Variants in STXBP5L observed in about 807,000 individuals in gnomAD.
STXBP5L encodes the protein syntaxin-binding protein 5-like.
Under a neutral mutation model 144.5 loss-of-function variants are expected in STXBP5L, and 65 were observed. The observed-to-expected ratio is 0.45, with a 90% CI of 0.37 to 0.55. The LOEUF (loss-of-function observed/expected upper bound fraction) is 0.55, where lower values mean the gene tolerates loss of function less well. Among genes scored for constraint, STXBP5L ranks in the 20% least tolerant of loss-of-function variants. STXBP5L has a pLI of 0.00. For synonymous variants in STXBP5L, 505 were observed against 469.6 expected (o/e 1.08, Z -0.97); for missense variants, 1,298 against 1,405.5 (o/e 0.92, Z 1.22).
chr3:121,187,602 A>T (rs542400672), intron 9 of STXBP5L, among the ~76,000 whole-genome samples: 1,309 of 118,658 alleles, frequency 0.011, 9 homozygotes, highest in South Asian at 0.022. Flanking sequence ...ATGAATGATA[A>T]AAAAAAAAGA....
At chr3:121,013,287 C>G (rs1449804412) in intron 3 of STXBP5L, among the ~76,000 whole-genome samples, 1 of 151,988 alleles carries the variant, frequency 6.6e-6, no homozygotes, top group Non-Finnish European at 1.5e-5. Context: ...TCCACAGAGG[C>G]TGAACTAATT....
chr3:121,163,890 C>T (rs969541575), intron 9 of STXBP5L, among the ~76,000 whole-genome samples: 48 of 151,832 alleles, frequency 3.2e-4, no homozygotes, highest in African/African-American at 1.1e-3. Context: ...AGATTTTGTT[C>T]TAAATTTTCT....
intron 19 of STXBP5L, among the ~76,000 whole-genome samples, chr3:121,302,951 C>A (rs1408298858): frequency 6.6e-6 from 1 of 152,094 alleles, no homozygotes; most frequent in Non-Finnish European, 1.5e-5. Flanking sequence ...TAGGCAATAC[C>A]ATTCAGGATA....
intron 3 of STXBP5L, among the ~76,000 whole-genome samples, chr3:121,001,278 C>G (rs941920869): frequency 9.9e-5 from 15 of 152,174 alleles, no homozygotes; most frequent in African/African-American, 3.4e-4. Context: ...ATAGCAGTAG[C>G]TACTTGGAAG....
intron 3 of STXBP5L, among the ~76,000 whole-genome samples, chr3:120,990,447 GA>G (rs1942730032): frequency 6.6e-6 from 1 of 152,018 alleles, no homozygotes. Context: ...CACAGAATTG[GA>G]AAAAACTACT....
At chr3:121,338,878 C>G (rs755676006) in intron 20 of STXBP5L, among the ~76,000 whole-genome samples, 10 of 152,028 alleles carry the variant, frequency 6.6e-5, no homozygotes, top group Non-Finnish European at 1.5e-4. Flanking sequence ...AGACCAACAA[C>G]AAGCAGTGAG....
At chr3:121,044,455 C>G (rs1210769026) in intron 4 of STXBP5L, among the ~76,000 whole-genome samples, 1 of 152,080 alleles carries the variant, frequency 6.6e-6, no homozygotes, top group Non-Finnish European at 1.5e-5. Flanking sequence ...AATGGGATAT[C>G]TGTGATTGAT....
chr3:121,217,908 T>A (rs2048834793), intron 10 of STXBP5L, among the ~76,000 whole-genome samples: 1 of 150,774 alleles, frequency 6.6e-6, no homozygotes, highest in Non-Finnish European at 1.5e-5. Context: ...CAATTTGTAT[T>A]TCTGTTGGAT....
At chr3:121,385,139 T>A (rs184498643) in intron 22 of STXBP5L, among the ~76,000 whole-genome samples, 19 of 152,218 alleles carry the variant, frequency 1.2e-4, no homozygotes, top group African/African-American at 4.1e-4. Flanking sequence ...TGGTAGATGC[T>A]TTTTCATTGC....
chr3:120,973,246 C>G (rs1489674178), intron 3 of STXBP5L, among the ~76,000 whole-genome samples: 1 of 152,042 alleles, frequency 6.6e-6, no homozygotes, highest in South Asian at 2.1e-4. Flanking sequence ...ATTGACTTTA[C>G]TGCTCATTAT....
chr3:121,374,153 A>G (rs1228262098), intron 20 of STXBP5L, among the ~76,000 whole-genome samples: 1 of 152,104 alleles, frequency 6.6e-6, no homozygotes, highest in Non-Finnish European at 1.5e-5. Flanking sequence ...GCCTCCAAAA[A>G]CAACTGCAGC....
chr3:121,037,826 G>A (rs1021493370), intron 3 of STXBP5L, among the ~76,000 whole-genome samples: 2 of 151,854 alleles, frequency 1.3e-5, no homozygotes, highest in East Asian at 1.9e-4. Context: ...ATTTTAATTA[G>A]AATTCAGTTT....
chr3:121,331,690 C>T (rs1490392044), intron 20 of STXBP5L, among the ~76,000 whole-genome samples: 1 of 152,136 alleles, frequency 6.6e-6, no homozygotes, highest in African/African-American at 2.4e-5. Flanking sequence ...TGATCTCTCC[C>T]CAACATTGGG....
chr3:121,280,720 A>G (rs1443683282), intron 19 of STXBP5L, among the ~76,000 whole-genome samples: 2 of 151,880 alleles, frequency 1.3e-5, no homozygotes, highest in Admixed American at 1.3e-4. Flanking sequence ...AAATTAGGCC[A>G]AAAGGTTGCA....
intron 2 of STXBP5L, among the ~76,000 whole-genome samples, chr3:120,938,086 T>G (rs974962528): frequency 2.4e-4 from 36 of 152,190 alleles, no homozygotes; most frequent in African/African-American, 8.2e-4. Flanking sequence ...AACAGAACAA[T>G]CTATTATTTT....
At chr3:121,004,286 C>G (rs1404746395) in intron 3 of STXBP5L, among the ~76,000 whole-genome samples, 13 of 151,178 alleles carry the variant, frequency 8.6e-5, no homozygotes, top group Non-Finnish European at 3.0e-5. Flanking sequence ...AGTTGGATTC[C>G]TAGGTATTTT....
In STXBP5L at chr3:121,418,426, G is replaced by A. The variant is rs1560073251; in HGVS notation, c.3316G>A (p.Gly1106Arg). 2 of 1,614,082 alleles carry A rather than the reference G, an allele frequency of 1.2e-6. No homozygotes were observed. Among genetic ancestry groups the A allele is most frequent in the East Asian group, 2.2e-5 (1 of 44,860 alleles). ...TATAGAAGGGATGAAAGGCGCTGCT[G>A]GAGGGGTGATGGGAGAGCTGACCCG... is the stretch of plus-strand genomic sequence containing the variant. ...GSIEGMKGAA[G>R]GVMGELTRAR... is the part of the protein sequence containing the mutation. Residue 1106 changes from glycine to arginine, a missense_variant, in exon 26 of 27, where the codon GGA becomes AGA. Transcript: ENST00000471454.
intron 20 of STXBP5L, among the ~76,000 whole-genome samples, chr3:121,361,361 T>C (rs1040740336): frequency 6.6e-5 from 10 of 152,184 alleles, no homozygotes; most frequent in Non-Finnish European, 1.5e-4. Context: ...TCTGTTATTA[T>C]TCCTTTGAAT....
At chr3:121,412,727 C>CAAAAAAA (rs35247157) in intron 23 of STXBP5L, among the ~76,000 whole-genome samples, 78 of 69,594 alleles carry the variant, frequency 1.1e-3, no homozygotes, top group Non-Finnish European at 1.4e-3. Context: ...TTTCTCCCTC[C>CAAAAAAA]AAAAAAAAAA....
Sources: gnomAD v4.1 joint callset for allele counts (sites outside exome capture counted in the v4.1 genomes callset) on GRCh38, gnomAD v4.1.1 for gene constraint, MANE v1.5 for transcripts, NCBI Gene and HGNC (gene_info 2026-07-23, HGNC 2026-07-21) for gene names.